DOCK2: variants seen among roughly 807,000 people sequenced by gnomAD.
DOCK2 encodes the protein dedicator of cytokinesis protein 2.
A neutral mutation model predicts 248.9 loss-of-function variants in DOCK2; 87 were observed. The observed-to-expected ratio is 0.35, with a 90% CI of 0.29 to 0.42. The LOEUF is 0.42. Among genes scored for constraint, DOCK2 ranks in the 10% least tolerant of loss-of-function variants. The probability of loss-of-function intolerance (pLI) is 1.00; values close to 1 mark genes in which losing one functional copy is unlikely to be tolerated. For missense variants in DOCK2, 1,747 were observed against 2,300.2 expected, an observed-to-expected ratio of 0.76 and a Z score of 4.92; for synonymous variants, 805 against 821.6, an observed-to-expected ratio of 0.98 and a Z score of 0.35.
intron 27 of DOCK2, among the ~76,000 whole-genome samples, chr5:169,891,074 C>T (rs921908054): frequency 3.9e-5 from 6 of 152,216 alleles, no homozygotes; most frequent in Non-Finnish European, 7.3e-5. Flanking sequence ...GTCTACCTTC[C>T]TTGTCCCATC....
chr5:169,710,383 C>T (rs541090286), intron 15 of DOCK2, among the ~76,000 whole-genome samples: 1 of 152,214 alleles, frequency 6.6e-6, no homozygotes, highest in Non-Finnish European at 1.5e-5. Context: ...CTGCACCATT[C>T]TACTCAGCAA....
chr5:170,044,901 T>A (rs1329724751), intron 38 of DOCK2, among the ~76,000 whole-genome samples: 1 of 152,108 alleles, frequency 6.6e-6, no homozygotes, highest in East Asian at 1.9e-4. Flanking sequence ...CCCTAGAGAT[T>A]GCCAGCCTCC....
chr5:169,798,012 A>G lies in DOCK2; in HGVS notation c.2555-5046A>G, dbSNP rs1766754597. On this transcript the variant is annotated intron_variant, in intron 25 of 51. Transcript: ENST00000520908. Reference sequence around the variant, plus strand: ...GTTATTAATGGTCTCTTCAGTGAAAATCTTGCTGACTCTCCACACCATGAG... The same window carrying G: ...GTTATTAATGGTCTCTTCAGTGAAAGTCTTGCTGACTCTCCACACCATGAG... Among the ~76,000 whole-genome samples, 7 of 152,288 alleles carry G rather than the reference A, an allele frequency of 4.6e-5. No individual in the cohort carries two copies. The South Asian group carries it at 1.5e-3, about 32-fold the overall frequency.
At chr5:169,787,403 T>C (rs1356590899) in intron 25 of DOCK2, among the ~76,000 whole-genome samples, 1 of 152,200 alleles carries the variant, frequency 6.6e-6, no homozygotes, top group Non-Finnish European at 1.5e-5. Flanking sequence ...ATAGGTGCTC[T>C]AGAAGAAGTC....
chr5:169,938,943 G>C (rs763114742), intron 27 of DOCK2, among the ~76,000 whole-genome samples: 1 of 137,372 alleles, frequency 7.3e-6, no homozygotes, highest in African/African-American at 2.7e-5. Context: ...TTGCTCTGTC[G>C]CCCAGGCTGG....
chr5:169,681,822 G>T lies in DOCK2; in HGVS notation c.549G>T (p.Leu183Phe), dbSNP rs1460881792. 1.2e-6 allele frequency: 2 copies of T among 1,613,850 alleles called. No individual in the cohort carries two copies. Among genetic ancestry groups the T allele is most frequent in the Non-Finnish European group, 1.7e-6 (2 of 1,179,934 alleles). Residue 183 changes from leucine to phenylalanine, a missense_variant, in exon 7 of 52, where the codon TTG becomes TTT. By Grantham distance (22) the Leu-to-Phe change is conservative. Coordinates refer to ENST00000520908, the MANE Select transcript of DOCK2 (RefSeq NM_004946.3). ...LDPDNTSVIS[L>F]FHAHEEATDK... ...CTGATAATACCAGTGTCATCAGCTTGTTCCATGCACATGAGGAAGCAACTG... is the reference window on the plus strand; with the variant it reads ...CTGATAATACCAGTGTCATCAGCTTTTTCCATGCACATGAGGAAGCAACTG...
intron 27 of DOCK2, among the ~76,000 whole-genome samples, chr5:169,892,408 A>G (rs940431919): frequency 2.0e-5 from 3 of 152,246 alleles, no homozygotes; most frequent in Admixed American, 2.0e-4. Context: ...CAAGTGACAC[A>G]TTGAGTTGAA....
intron 25 of DOCK2, among the ~76,000 whole-genome samples, chr5:169,769,427 T>G (rs264829): frequency 0.29 from 43,782 of 151,976 alleles, 8,408 homozygotes; most frequent in African/African-American, 0.52. Flanking sequence ...TTCTGAGGAG[T>G]CTGTCCTCAT....
At chr5:169,762,257 G>A (rs1021259073) in intron 25 of DOCK2, among the ~76,000 whole-genome samples, 1 of 152,078 alleles carries the variant, frequency 6.6e-6, no homozygotes, top group Admixed American at 6.5e-5. Flanking sequence ...CACACTCTGT[G>A]GATGTGGAAT....
intron 27 of DOCK2, among the ~76,000 whole-genome samples, chr5:169,969,150 A>G (rs1777407969): frequency 6.6e-6 from 1 of 152,142 alleles, no homozygotes; most frequent in Non-Finnish European, 1.5e-5. Context: ...CTCTGTTTCA[A>G]AAAAGAAAAA....
chr5:169,945,687 G>A (rs1406914162), intron 27 of DOCK2, among the ~76,000 whole-genome samples: 3 of 152,168 alleles, frequency 2.0e-5, no homozygotes, highest in Non-Finnish European at 2.9e-5. Flanking sequence ...GTAGAACGGA[G>A]GCTGGATGTG....
At chr5:169,686,309 T>C (rs553081025) in intron 8 of DOCK2, among the ~76,000 whole-genome samples, 1 of 152,218 alleles carries the variant, frequency 6.6e-6, no homozygotes, top group South Asian at 2.1e-4. Context: ...GCTGGCCCCA[T>C]CTCAGTGATG....
At chr5:169,709,928 T>C (rs928324262) in intron 15 of DOCK2, among the ~76,000 whole-genome samples, 1 of 152,236 alleles carries the variant, frequency 6.6e-6, no homozygotes, top group African/African-American at 2.4e-5. Flanking sequence ...CATTTTCCTT[T>C]TTCCTAGTGT....
rs75579737 is a variant in DOCK2, at chr5:169,715,416, G to A, written c.1942-797G>A. On this transcript the variant is annotated intron_variant, in intron 19 of 51. Coordinates refer to ENST00000520908, the MANE Select transcript of DOCK2 (RefSeq NM_004946.3). ...TTTTATTTAATTGCCTCTACCTGGA[G>A]AAGCAGTGGCAGAATTTCCAGATGC... Among the ~76,000 whole-genome samples the A allele has an allele frequency of 6.3e-3, 957 of 152,194 alleles. 8 individuals carry two copies. Among genetic ancestry groups the A allele is most frequent in the African/African-American group, 0.022 (921 of 41,518 alleles).
intron 27 of DOCK2, among the ~76,000 whole-genome samples, chr5:169,871,615 C>G (rs1771978605): frequency 6.6e-6 from 1 of 152,128 alleles, no homozygotes; most frequent in Non-Finnish European, 1.5e-5. Flanking sequence ...ACAGTCTAGC[C>G]CCAAAGCTTC....
intron 27 of DOCK2, among the ~76,000 whole-genome samples, chr5:169,958,565 T>A (rs1427093832): frequency 2.1e-5 from 3 of 139,724 alleles, no homozygotes; most frequent in Non-Finnish European, 4.6e-5. Context: ...ACAAAAGGGG[T>A]GCTTTCTTTT....
intron 6 of DOCK2, among the ~76,000 whole-genome samples, chr5:169,676,728 A>G (rs1759354765): frequency 6.6e-6 from 1 of 152,158 alleles, no homozygotes. Flanking sequence ...TGGGGGTGGC[A>G]CAAAGTGGAA....
chr5:169,648,800 G>A (rs560344533), intron 1 of DOCK2, among the ~76,000 whole-genome samples: 46 of 152,362 alleles, frequency 3.0e-4, no homozygotes, highest in Admixed American at 2.5e-3. Context: ...TATGCAGGAA[G>A]TGTTTGGCAG....
intron 25 of DOCK2, among the ~76,000 whole-genome samples, chr5:169,766,442 T>C (rs376208007): frequency 3.2e-4 from 48 of 152,374 alleles, no homozygotes; most frequent in African/African-American, 1.1e-3. Context: ...ATCATGTATA[T>C]GTACCACATT....
Sources: allele counts gnomAD v4.1 joint callset (sites outside exome capture counted in the v4.1 genomes callset), GRCh38; gene constraint gnomAD v4.1.1; transcripts MANE v1.5; gene names NCBI Gene and HGNC (gene_info 2026-07-23, HGNC 2026-07-21).